The following HVCN1 variants were observed in gnomAD, a reference collection of about 807,000 sequenced individuals.
The protein encoded by HVCN1 is voltage-gated hydrogen channel 1.
Under a neutral mutation model 29.2 loss-of-function variants are expected in HVCN1, and 14 were observed. That is an observed-to-expected ratio of 0.48 (90% CI 0.32 to 0.75). The LOEUF is 0.75. Among genes scored for constraint, HVCN1 ranks in the 30% least tolerant of loss-of-function variants. The probability of loss-of-function intolerance (pLI) is 0.04; values close to 1 mark genes in which losing one functional copy is unlikely to be tolerated. For synonymous variants in HVCN1, 131 were observed against 133.2 expected (o/e 0.98, Z 0.11); for missense variants, 263 against 341.8 (o/e 0.77, Z 1.82).
At chr12:110,693,802 T>C (rs1476041418), upstream of HVCN1, among the ~76,000 whole-genome samples, 1 of 152,216 alleles carries the variant, frequency 6.6e-6, no homozygotes, top group Non-Finnish European at 1.5e-5. Flanking sequence ...TGTAATACGA[T>C]GCATTCGTTC....
At chr12:110,657,847 C>A (rs576382110) in intron 4 of HVCN1, among the ~76,000 whole-genome samples, 7 of 152,356 alleles carry the variant, frequency 4.6e-5, no homozygotes, top group African/African-American at 7.2e-5. Flanking sequence ...TAAATCCTCA[C>A]CCTGGCAAAG....
intron 3 of HVCN1, among the ~76,000 whole-genome samples, chr12:110,669,787 G>C (rs2068509749): frequency 6.6e-6 from 1 of 152,166 alleles, no homozygotes; most frequent in South Asian, 2.1e-4. Context: ...CGGGCGCGGT[G>C]GCTCAAGCCT....
intron 3 of HVCN1, among the ~76,000 whole-genome samples, chr12:110,662,473 G>C (rs769775065): frequency 1.3e-5 from 2 of 152,304 alleles, no homozygotes; most frequent in Non-Finnish European, 2.9e-5. Context: ...CATGGGCTAA[G>C]GCAAGTAGAT....
rs1241702990 is a variant in HVCN1, at chr12:110,661,079, A to G, written c.306+85T>C. The G allele has an allele frequency of 1.5e-6, 2 of 1,352,720 alleles. No individual in the cohort carries two copies. The highest frequency in any genetic ancestry group is 2.0e-6 in the Non-Finnish European group (2 of 978,458). 83.8% of individuals were successfully genotyped at this position (1,352,720 alleles called of 1,614,324 possible). ...CGTAGAATGAATGAGGCAGTGGCCA[A>G]ATGGGCTCAGCCTGGCCGCCTGCCT... On this transcript the variant is annotated intron_variant, in intron 4 of 7. Coordinates refer to ENST00000242607, the MANE Select transcript of HVCN1 (RefSeq NM_032369.4). This position sits in a 1 kb window ranked among gnomAD's most constrained non-coding sequence, Gnocchi z 6.2.
At chr12:110,657,906 A>G (rs1305764752) in intron 4 of HVCN1, among the ~76,000 whole-genome samples, 1 of 151,826 alleles carries the variant, frequency 6.6e-6, no homozygotes, top group African/African-American at 2.4e-5. Context: ...TCAGCTCCCA[A>G]CTCCCCCATC....
At chr12:110,668,195 G>T (rs565808204) in intron 3 of HVCN1, among the ~76,000 whole-genome samples, 1 of 152,178 alleles carries the variant, frequency 6.6e-6, no homozygotes, top group South Asian at 2.1e-4. Flanking sequence ...TGCCAGCTAT[G>T]ATCATCCCTT....
chr12:110,662,851 A>G (rs2068223733), intron 3 of HVCN1, among the ~76,000 whole-genome samples: 1 of 152,244 alleles, frequency 6.6e-6, no homozygotes, highest in South Asian at 2.1e-4. Context: ...AATATTTGCA[A>G]TGTATGTGAT....
chr12:110,677,958 C>T (rs1485887258), intron 3 of HVCN1, among the ~76,000 whole-genome samples: 1 of 152,238 alleles, frequency 6.6e-6, no homozygotes, highest in African/African-American at 2.4e-5. Context: ...GGGCTGCATA[C>T]AGACTATATG....
chr12:110,690,709 C>A (rs1451920890), upstream of HVCN1, among the ~76,000 whole-genome samples: 1 of 152,110 alleles, frequency 6.6e-6, no homozygotes, highest in Non-Finnish European at 1.5e-5. Flanking sequence ...AACTCCTGAC[C>A]TCAAGTGATC....
chr12:110,659,182 G>GA (rs369707941), intron 4 of HVCN1, among the ~76,000 whole-genome samples: 150 of 148,838 alleles, frequency 1.0e-3, no homozygotes, highest in African/African-American at 3.5e-3. Flanking sequence ...AGAGAGTGGG[G>GA]AAAAAAAAAG....
chr12:110,673,930 G>A (rs1487789373), intron 3 of HVCN1, among the ~76,000 whole-genome samples: 1 of 152,214 alleles, frequency 6.6e-6, no homozygotes, highest in Non-Finnish European at 1.5e-5. Context: ...AGTCCCTTCT[G>A]GGGTATCACC....
chr12:110,661,138 G>T lies in HVCN1; in HGVS notation c.306+26C>A, dbSNP rs934031184. On this transcript the variant is annotated intron_variant, in intron 4 of 7. Coordinates refer to ENST00000242607, the MANE Select transcript of HVCN1 (RefSeq NM_032369.4). The surrounding 1 kb of genome is among the most constrained non-coding windows in gnomAD (Gnocchi z 6.2). The stretch of plus-strand genomic sequence containing the variant: ...CCGATGGCTCTCCTGCCAGCTCTGG[G>T]TATCCCGGACTCCTGCCCCACCTAC... 1.9e-6 allele frequency: 3 copies of T among 1,566,530 alleles called. No individual in the cohort carries two copies. The highest frequency in any genetic ancestry group is 3.4e-4 in the Middle Eastern group (2 of 5,824).
chr12:110,702,835 G>A (rs557189693), intron 1 of HVCN1, among the ~76,000 whole-genome samples: 1 of 152,272 alleles, frequency 6.6e-6, no homozygotes, highest in South Asian at 2.1e-4. Context: ...TGTATTTTTA[G>A]TAGAAATATG....
chr12:110,652,668 TACATACAC>T (rs532308648), intron 5 of HVCN1, among the ~76,000 whole-genome samples: 1 of 152,168 alleles, frequency 6.6e-6, no homozygotes, highest in Non-Finnish European at 1.5e-5. Flanking sequence ...CATGCACACA[TACATACAC>T]ACATGGGAAA....
At chr12:110,673,160 A>C (rs2068639260) in intron 3 of HVCN1, among the ~76,000 whole-genome samples, 1 of 152,222 alleles carries the variant, frequency 6.6e-6, no homozygotes, top group South Asian at 2.1e-4. Context: ...GATCTGGACA[A>C]TAAGGTCCAG....
chr12:110,687,417 C>T (rs926281439), intron 2 of HVCN1, among the ~76,000 whole-genome samples: 33 of 152,174 alleles, frequency 2.2e-4, no homozygotes, highest in Middle Eastern at 6.8e-3. Flanking sequence ...GAAGAGCATT[C>T]CCGGGAAAAG....
At chr12:110,692,556 T>C (rs1233827277), upstream of HVCN1, among the ~76,000 whole-genome samples, 1 of 151,718 alleles carries the variant, frequency 6.6e-6, no homozygotes, top group African/African-American at 2.4e-5. Context: ...CCCATTTCTA[T>C]AAAAAATGTT....
chr12:110,699,419 C>A (rs978372585), intron 2 of HVCN1, among the ~76,000 whole-genome samples: 1 of 152,108 alleles, frequency 6.6e-6, no homozygotes, highest in Non-Finnish European at 1.5e-5. Flanking sequence ...CCAGGCCCCC[C>A]ACCCAAGCCA....
Position 110,649,255 on chromosome 12 carries a change from A to G in HVCN1, c.*155T>C. 1 of 684,250 alleles carries G rather than the reference A, an allele frequency of 1.5e-6. No individual in the cohort carries two copies. Among genetic ancestry groups the G allele is most frequent in the Non-Finnish European group, 2.7e-6 (1 of 375,654 alleles). The allele number at this position is 684,250 out of a possible 1,614,324, so 42.4% of individuals were successfully genotyped here. A position where few individuals can be genotyped will look rare whatever the true frequency, so the allele number is the denominator to read the frequency against. On this transcript the variant is annotated 3_prime_UTR_variant, in exon 8 of 8. Coordinates refer to ENST00000242607, the MANE Select transcript of HVCN1 (RefSeq NM_032369.4). ...CTCTTGGTGGTACTGGACCTTCCAC[A>G]AGGCTGTGTCCACCCAGAATCCATG...
Sources: gnomAD v4.1 joint callset for allele counts (sites outside exome capture counted in the v4.1 genomes callset) on GRCh38, gnomAD v4.1.1 for gene constraint, Gnocchi (gnomAD v3.1) non-coding constraint, MANE v1.5 for transcripts, NCBI Gene and HGNC (gene_info 2026-07-23, HGNC 2026-07-21) for gene names.